Variants in KNDC1 observed in about 807,000 individuals in gnomAD.
KNDC1 encodes the protein kinase non-catalytic C-lobe domain containing 1.
KNDC1 carries 106 observed loss-of-function variants against 172.8 expected under a neutral mutation model. The observed-to-expected ratio is 0.61, with a 90% CI of 0.52 to 0.72. The LOEUF (loss-of-function observed/expected upper bound fraction) is 0.72, where lower values mean the gene tolerates loss of function less well. Ranked by LOEUF, KNDC1 falls within the 30% of genes least tolerant of loss-of-function variation. The probability of loss-of-function intolerance (pLI) is 0.00; values close to 1 mark genes in which losing one functional copy is unlikely to be tolerated. For synonymous variants in KNDC1, 1,083 were observed against 1,062.2 expected (o/e 1.02, Z -0.38); for missense variants, 2,325 against 2,394.5 (o/e 0.97, Z 0.61).
At chr10:133,173,474 A>G (rs1853435197) in intron 3 of KNDC1, among the ~76,000 whole-genome samples, 1 of 138,120 alleles carries the variant, frequency 7.2e-6, no homozygotes, top group Non-Finnish European at 1.6e-5. Context: ...TAATGTTTGC[A>G]TGATCATTTC....
chr10:133,223,652 T>A (rs1589781281), intron 29 of KNDC1, among the ~76,000 whole-genome samples: 2 of 74,200 alleles, frequency 2.7e-5, no homozygotes, highest in East Asian at 4.6e-4. Context: ...TGTGTGTGTG[T>A]GAGAGCCCAT....
At chr10:133,179,846 T>C (rs1591233290) in intron 3 of KNDC1, among the ~76,000 whole-genome samples, 1 of 152,132 alleles carries the variant, frequency 6.6e-6, no homozygotes, top group Non-Finnish European at 1.5e-5. Context: ...TGTGATCATT[T>C]CATGCCTGAT....
At chr10:133,169,835 A>G (rs975320474) in intron 3 of KNDC1, among the ~76,000 whole-genome samples, 1 of 152,182 alleles carries the variant, frequency 6.6e-6, no homozygotes, top group Non-Finnish European at 1.5e-5. Flanking sequence ...GTTCCTAGTC[A>G]TGTCATAATC....
intron 9 of KNDC1, among the ~76,000 whole-genome samples, chr10:133,194,181 G>A (rs1022352470): frequency 2.0e-5 from 3 of 152,112 alleles, no homozygotes; most frequent in Admixed American, 6.5e-5. Flanking sequence ...GAGCCATAAC[G>A]CAAACCTCAA....
chr10:133,207,197 G>A lies in KNDC1; in HGVS notation c.3640G>A (p.Ala1214Thr), dbSNP rs762566508. The A allele has an allele frequency of 3.5e-5, 56 of 1,611,258 alleles. No individual in the cohort carries two copies. Among genetic ancestry groups the A allele is most frequent in the East Asian group, 2.5e-4 (11 of 44,826 alleles). The change falls in exon 20 of 30, where the codon GCG becomes ACG. Residue 1214 changes from alanine (A) to threonine (T), a missense_variant. Ala to Thr is a moderately conservative substitution (Grantham distance 58, BLOSUM62 0). Transcript: ENST00000304613. ...CACCCTCCCAGTGATCGTGAACATCGCGGCCGCACCCTGCGACACGCTGGA... is the reference window on the plus strand; with the variant it reads ...CACCCTCCCAGTGATCGTGAACATCACGGCCGCACCCTGCGACACGCTGGA... ...PCTLPVIVNI[A>T]AAPCDTLDFS...
intron 3 of KNDC1, chr10:133,174,188 A>G (rs1045449866): frequency 1.3e-5 from 2 of 152,308 alleles, no homozygotes; most frequent in African/African-American, 4.8e-5. Flanking sequence ...TAATGCTGGG[A>G]CATGAGAATG....
chr10:133,172,253 G>A (rs192173457), intron 3 of KNDC1, among the ~76,000 whole-genome samples: 1 of 152,258 alleles, frequency 6.6e-6, no homozygotes, highest in East Asian at 1.9e-4. Flanking sequence ...CCTCCACCGC[G>A]AGTCCCCCTT....
intron 2 of KNDC1, among the ~76,000 whole-genome samples, chr10:133,167,909 C>T (rs1367518521): frequency 6.6e-6 from 1 of 152,220 alleles, no homozygotes; most frequent in African/African-American, 2.4e-5. Context: ...GCCTGCCCTG[C>T]TGTGAGTGGA....
At chr10:133,203,492 C>T (rs529963885) in intron 17 of KNDC1, among the ~76,000 whole-genome samples, 1 of 152,272 alleles carries the variant, frequency 6.6e-6, no homozygotes, top group Non-Finnish European at 1.5e-5. Flanking sequence ...CAGCCCAAAA[C>T]GCACACGGTG....
At chr10:133,162,964 T>G (rs1477211644) in intron 1 of KNDC1, among the ~76,000 whole-genome samples, 16 of 152,204 alleles carry the variant, frequency 1.1e-4, no homozygotes, top group Admixed American at 1.0e-3. Flanking sequence ...TGGATCCCAG[T>G]ACAGGCAAAG....
intron 3 of KNDC1, among the ~76,000 whole-genome samples, chr10:133,178,015 A>G (rs11101613): frequency 0.29 from 42,255 of 146,034 alleles, 6,415 homozygotes; most frequent in Middle Eastern, 0.4. Context: ...TGGTGTGTGC[A>G]TGCATGTGGT....
rs1213283147 is a variant in KNDC1, at chr10:133,212,778, C to G, written c.4299C>G (p.Pro1433=). 1 of 1,613,932 alleles carries G rather than the reference C, an allele frequency of 6.2e-7. No homozygotes were observed. The highest frequency in any genetic ancestry group is 8.5e-7 in the Non-Finnish European group (1 of 1,179,928). Residue 1433 remains proline, a synonymous_variant, in exon 24 of 30, where the codon CCC becomes CCG. Transcript: ENST00000304613. The part of the protein sequence containing the change: ...GLVLPPHKER[P]YTIAAALPKP... ...TGCTGCCGCCACACAAGGAGCGCCC[C>G]TACACCATTGCTGCCGCCCTGCCCA...
Position 133,214,142 on chromosome 10 carries a change from G to A in KNDC1, c.4677+20G>A, listed in dbSNP as rs774949100. ...TCCAAGGTGGGCACCCTACAGTTCC[G>A]AGGCCAACACGGGGCGTGGGGCCCA... On this transcript the variant is annotated intron_variant, in intron 26 of 29. Coordinates refer to ENST00000304613, the MANE Select transcript of KNDC1 (RefSeq NM_152643.8). 9.3e-6 allele frequency: 15 copies of A among 1,612,780 alleles called. No homozygotes were observed. The highest frequency in any genetic ancestry group is 6.7e-5 in the African/African-American group (5 of 75,040).
chr10:133,219,886 C>T (rs1206839567), intron 28 of KNDC1, 69 bp from the exon 29 acceptor site: 7 of 1,454,806 alleles, frequency 4.8e-6, no homozygotes, highest in Non-Finnish European at 6.4e-6. Context: ...GCTGCGCTGG[C>T]CCCGGCTGAG....
rs766071108 is a variant in KNDC1, at chr10:133,167,526, A to T, written c.248A>T (p.Asp83Val). The stretch of plus-strand genomic sequence containing the variant: ...TTCCAGAGCCTGTGCATCACGCCCG[A>T]CACCCTGGCCTTCAACACCAGCGGG... ...AIFQSLCITP[D>V]TLAFNTSGNV... The change falls in exon 2 of 30, where the codon GAC becomes GTC. Residue 83 changes from aspartate to valine, a missense_variant. Physicochemically the swap from Asp to Val is radical, Grantham distance 152. Transcript: ENST00000304613. 3.7e-6 allele frequency: 6 copies of T among 1,604,420 alleles called. No individual in the cohort carries two copies. The highest frequency in any genetic ancestry group is 5.1e-6 in the Non-Finnish European group (6 of 1,176,070).
intron 5 of KNDC1, 114 bp from the exon 6 acceptor site, chr10:133,185,841 GGGGAGGGGAGGGGAGAGGT>G (rs1457758497): frequency 0.029 from 2,006 of 68,838 alleles, 37 homozygotes; most frequent in Non-Finnish European, 0.039. Flanking sequence ...GGGGAGGAGA[GGGGAGGGGAGGGGAGAGGT>G]GGGAGGGGAG....
Position 133,186,591 on chromosome 10 carries a change from G to T in KNDC1, c.1243G>T (p.Ala415Ser), listed in dbSNP as rs752753555. Residue 415 changes from alanine to serine, a missense_variant, in exon 6 of 30, where the codon GCT becomes TCT. Transcript: ENST00000304613. ...PAEAPADPRD[A>S]SGEAQTPRDD... Reference sequence around the variant, plus strand: ...AGAGGCCCCTGCAGACCCTCGAGATGCTAGCGGTGAAGCCCAGACTCCCAG... The same window carrying T: ...AGAGGCCCCTGCAGACCCTCGAGATTCTAGCGGTGAAGCCCAGACTCCCAG... 2 of 1,604,606 alleles carry T rather than the reference G, an allele frequency of 1.2e-6. No homozygotes were observed. The highest frequency in any genetic ancestry group is 2.2e-5 in the South Asian group (2 of 91,064).
rs1845418179 is a variant in KNDC1 at position 133,213,692 on chromosome 10, C to T, written c.4491C>T (p.Ala1497=). The change falls in exon 25 of 30, where the codon GCC becomes GCT. Residue 1497 remains alanine (A), a synonymous_variant. Transcript: ENST00000304613. ...CGGTCCACTTCCTGAACTCACGGGC[C>T]CTGGGCGTCATGGACAAGAGCACTG... is the stretch of plus-strand genomic sequence containing the variant. ...CHPVHFLNSR[A]LGVMDKSTAI... 2.5e-6 allele frequency: 4 copies of T among 1,613,956 alleles called. No individual in the cohort carries two copies. The African/African-American group carries it at 4.0e-5, about 16-fold the overall frequency.
intron 25 of KNDC1, 105 bp from the exon 26 acceptor site, chr10:133,213,867 C>T (rs1482748069): frequency 4.7e-5 from 69 of 1,480,144 alleles, no homozygotes; most frequent in Non-Finnish European, 6.0e-5. Context: ...CCAGTTGGAG[C>T]GGCCTCGTGG....
Sources: gnomAD v4.1 joint callset for allele counts (sites outside exome capture counted in the v4.1 genomes callset) on GRCh38, gnomAD v4.1.1 for gene constraint, MANE v1.5 for transcripts, NCBI Gene and HGNC (gene_info 2026-07-23, HGNC 2026-07-21) for gene names.